Variants in CGGBP1 observed in about 807,000 individuals in gnomAD.
CGGBP1 encodes CGG triplet repeat-binding protein 1.
CGGBP1 carries 4 observed loss-of-function variants against 11.4 expected under a neutral mutation model. The ratio of observed to expected loss-of-function variants is 0.35; its 90% CI spans 0.17 to 0.80. The LOEUF (loss-of-function observed/expected upper bound fraction) is 0.80, where lower values mean the gene tolerates loss of function less well. Ranked by LOEUF, CGGBP1 falls within the 30% of genes least tolerant of loss-of-function variation. CGGBP1 has a pLI of 0.52. For synonymous variants in CGGBP1, 76 were observed against 74.1 expected, an observed-to-expected ratio of 1.03 and a Z score of -0.13; for missense variants, 135 against 202.1, an observed-to-expected ratio of 0.67 and a Z score of 2.01.
chr3:88,135,350 GC>G, intron 2 of CGGBP1: 1 of 521,686 alleles, frequency 1.9e-6, no homozygotes, highest in Admixed American at 4.4e-5. Context: ...ATTCTCCTCT[GC>G]CCTAACTCCA....
intron 2 of CGGBP1, among the ~76,000 whole-genome samples, chr3:88,090,444 G>T (rs1470366777): frequency 1.3e-5 from 2 of 151,996 alleles, no homozygotes; most frequent in Non-Finnish European, 1.5e-5. Flanking sequence ...AGGATATAAA[G>T]AGAAAATATT....
intron 2 of CGGBP1, among the ~76,000 whole-genome samples, chr3:88,071,537 T>C (rs1350094043): frequency 1.3e-5 from 2 of 152,170 alleles, no homozygotes; most frequent in African/African-American, 2.4e-5. Flanking sequence ...TCCCAGCTAC[T>C]TGGCAGGAGA....
At chr3:88,108,555 T>C (rs1452237148) in intron 2 of CGGBP1, among the ~76,000 whole-genome samples, 1 of 152,148 alleles carries the variant, frequency 6.6e-6, no homozygotes, top group Non-Finnish European at 1.5e-5. Context: ...CTATTCTGAG[T>C]AGCATGATGA....
intron 2 of CGGBP1, among the ~76,000 whole-genome samples, chr3:88,112,745 A>G (rs1270120792): frequency 1.3e-5 from 2 of 151,984 alleles, no homozygotes; most frequent in African/African-American, 4.8e-5. Flanking sequence ...TTTTCTCTGG[A>G]GTCCCATTAT....
intron 2 of CGGBP1, chr3:88,129,045 T>G: frequency 3.4e-6 from 5 of 1,459,130 alleles, no homozygotes; most frequent in Non-Finnish European, 4.5e-6. Context: ...CTATTACCAT[T>G]TTAACCCTAC....
Position 88,139,969 on chromosome 3 carries a change from C to G in CGGBP1, c.-229+1001G>C. On this transcript the variant is annotated intron_variant, in intron 2 of 3. Coordinates refer to the CGGBP1 transcript ENST00000462901. Reference sequence around the variant, plus strand: ...AGAATTGGGTTTCTAAATAAACATGCAATGACCGTACATCCAACCGATTTA... The same window carrying G: ...AGAATTGGGTTTCTAAATAAACATGGAATGACCGTACATCCAACCGATTTA... The G allele has an allele frequency of 1.2e-6, 2 of 1,613,708 alleles. 1 individual carries two copies. Among genetic ancestry groups the G allele is most frequent in the South Asian group, 2.2e-5 (2 of 91,066 alleles).
At chr3:88,126,958 C>A (rs1706143661) in intron 2 of CGGBP1, among the ~76,000 whole-genome samples, 1 of 152,056 alleles carries the variant, frequency 6.6e-6, no homozygotes, top group African/African-American at 2.4e-5. Flanking sequence ...CTTTGTAGGC[C>A]AAAATTTCCT....
intron 2 of CGGBP1, among the ~76,000 whole-genome samples, chr3:88,109,142 A>AGTGT (rs35595112): frequency 0.34 from 48,868 of 142,276 alleles, 8,647 homozygotes; most frequent in Admixed American, 0.44. Context: ...AGTGGGCACT[A>AGTGT]GTGTGTGTGT....
chr3:88,055,395 A>C lies in CGGBP1; in HGVS notation c.*78T>G, dbSNP rs1706518230. On this transcript the variant is annotated 3_prime_UTR_variant, in exon 4 of 4. Transcript: ENST00000482016. The surrounding 1 kb of genome is among the most constrained non-coding windows in gnomAD (Gnocchi z 4.2). Reference sequence around the variant, plus strand: ...TCACATGATTTTAAATGAAATAAATACAAAAATGAACCACACAATCAACAC... The same window carrying C: ...TCACATGATTTTAAATGAAATAAATCCAAAAATGAACCACACAATCAACAC... The C allele has an allele frequency of 7.7e-7, 1 of 1,305,454 alleles. No individual in the cohort carries two copies. Among genetic ancestry groups the C allele is most frequent in the Admixed American group, 2.4e-5 (1 of 40,856 alleles). 80.9% of individuals were successfully genotyped at this position (1,305,454 alleles called of 1,614,324 possible).
Position 88,053,371 on chromosome 3 carries a change from T to C in CGGBP1, c.*2102A>G, listed in dbSNP as rs1387870133. On this transcript the variant is annotated 3_prime_UTR_variant, in exon 4 of 4. Coordinates refer to ENST00000482016, the MANE Select transcript of CGGBP1 (RefSeq NM_001008390.2). ...AGGAGAGGATATAATCCTAACAGAA[T>C]GGACTATGCCCCTAGTTACAGTGAA... The C allele has an allele frequency of 6.6e-6, 1 of 152,166 alleles. No individual in the cohort carries two copies. The highest frequency in any genetic ancestry group is 1.9e-4 in the East Asian group (1 of 5,208). 9.4% of individuals were successfully genotyped at this position (152,166 alleles called of 1,614,324 possible). A position where few individuals can be genotyped will look rare whatever the true frequency, so the allele number is the denominator to read the frequency against.
chr3:88,129,865 G>A, intron 2 of CGGBP1: 1 of 1,362,260 alleles, frequency 7.3e-7, no homozygotes, highest in Admixed American at 2.8e-5. Flanking sequence ...ATGGTAAGAT[G>A]GGCAACAGAA....
chr3:88,113,242 G>T, intron 2 of CGGBP1: 3 of 1,200,930 alleles, frequency 2.5e-6, no homozygotes, highest in South Asian at 2.7e-5. Flanking sequence ...ACTTAAAATA[G>T]ACCATTATGC....
chr3:88,076,159 G>T (rs1707791334), intron 2 of CGGBP1, among the ~76,000 whole-genome samples: 1 of 152,116 alleles, frequency 6.6e-6, no homozygotes, highest in African/African-American at 2.4e-5. Context: ...TATATTACTT[G>T]TATAGTAGTC....
At chr3:88,129,761 A>C in intron 2 of CGGBP1, 1 of 1,529,108 alleles carries the variant, frequency 6.5e-7, no homozygotes, top group Non-Finnish European at 8.8e-7. Flanking sequence ...AAACTATGTT[A>C]GCCTTGCAAC....
upstream of CGGBP1, among the ~76,000 whole-genome samples, chr3:88,060,867 G>A (rs73844846): frequency 3.0e-3 from 462 of 152,150 alleles, 3 homozygotes; most frequent in African/African-American, 0.011. Flanking sequence ...GGATGGAGTT[G>A]ACATTTTTCA....
In CGGBP1 at chr3:88,058,971, T is replaced by TCCCCCGCCGCGCCCCGTCC. The variant is rs1706671544; in HGVS notation, c.-506_-488dup. 4.5e-6 allele frequency: 1 copy of TCCCCCGCCGCGCCCCGTCC among 220,680 alleles called. No homozygotes were observed. The highest frequency in any genetic ancestry group is 8.7e-6 in the Non-Finnish European group (1 of 114,650). 13.7% of individuals were successfully genotyped at this position (220,680 alleles called of 1,614,324 possible). On this transcript the variant is annotated 5_prime_UTR_variant, in exon 1 of 4. Transcript: ENST00000482016. ...ATCGAGCCCCGCGGCGGCCGCCGTG[T>TCCCCCGCCGCGCCCCGTCC]CCCCCGCCGCGCCCCGTCCGCCTGC...
At chr3:88,129,088 T>C in intron 2 of CGGBP1, 1 of 1,068,260 alleles carries the variant, frequency 9.4e-7, no homozygotes, top group Non-Finnish European at 1.3e-6. Context: ...AGTAGCCCAC[T>C]GTTGTTGTTA....
chr3:88,110,281 TG>T lies in CGGBP1; in HGVS notation c.-229+30688del, dbSNP rs538704618. 4.6e-5 allele frequency among the ~76,000 whole-genome samples: 7 copies of T among 152,130 alleles called. No individual in the cohort carries two copies. The South Asian group carries it at 1.4e-3, about 31-fold the overall frequency. ...GATTCAAACCCAAACAGCTAGACCA[TG>T]GGTCTGTAAAGGACCAGATACTAAA... On this transcript the variant is annotated intron_variant, in intron 2 of 3. Transcript: ENST00000462901.
intron 2 of CGGBP1, among the ~76,000 whole-genome samples, chr3:88,109,516 G>T (rs1424417595): frequency 1.3e-5 from 2 of 152,084 alleles, no homozygotes; most frequent in East Asian, 3.9e-4. Context: ...CATATTTAGT[G>T]GAATTTTCCT....
Sources: gnomAD v4.1 joint callset for allele counts (sites outside exome capture counted in the v4.1 genomes callset) on GRCh38, gnomAD v4.1.1 for gene constraint, Gnocchi (gnomAD v3.1) non-coding constraint, MANE v1.5 for transcripts, NCBI Gene and HGNC (gene_info 2026-07-23, HGNC 2026-07-21) for gene names.